The following AFG2A variants were observed in gnomAD, a reference collection of about 807,000 sequenced individuals.
AFG2A encodes ATPase family gene 2 protein homolog A.
At chr4:122,972,985 A>G in the AFG2A span, among the ~76,000 whole-genome samples, 1 of 152,050 alleles carries the variant, frequency 6.6e-6, no homozygotes, top group African/African-American at 2.4e-5. Flanking sequence ...TATTCTTTTT[A>G]AAAATTTTGG....
At chr4:123,270,978 G>T in the AFG2A span, among the ~76,000 whole-genome samples, 1 of 152,182 alleles carries the variant, frequency 6.6e-6, no homozygotes, top group Non-Finnish European at 1.5e-5. Flanking sequence ...CATTCTCTAA[G>T]GGTATTTTTT....
At chr4:123,244,673 T>A in the AFG2A span, among the ~76,000 whole-genome samples, 3 of 152,252 alleles carry the variant, frequency 2.0e-5, no homozygotes, top group African/African-American at 7.2e-5. Flanking sequence ...CTTTGTAGTA[T>A]ATATCAGAAG....
At chr4:123,314,124 A>G in the AFG2A span, 1 of 1,411,022 alleles carries the variant, frequency 7.1e-7, no homozygotes, top group Non-Finnish European at 9.3e-7. Flanking sequence ...TTTCTTTTTA[A>G]AATTTTTTGA....
the AFG2A span, among the ~76,000 whole-genome samples, chr4:122,945,049 G>A: frequency 6.6e-6 from 1 of 152,184 alleles, no homozygotes; most frequent in Non-Finnish European, 1.5e-5. Flanking sequence ...TGCCCCTACT[G>A]GGGGTGCCTC....
At chr4:123,016,468 C>T in the AFG2A span, among the ~76,000 whole-genome samples, 1 of 149,486 alleles carries the variant, frequency 6.7e-6, no homozygotes, top group Non-Finnish European at 1.5e-5. Flanking sequence ...TAGAGGTGCT[C>T]CTCACATCCC....
chr4:123,129,378 C>T, the AFG2A span, among the ~76,000 whole-genome samples: 2 of 152,200 alleles, frequency 1.3e-5, no homozygotes, highest in African/African-American at 4.8e-5. Context: ...TTGCAGCTAT[C>T]ATTTACATCC....
chr4:122,967,572 A>G, the AFG2A span, among the ~76,000 whole-genome samples: 2 of 152,190 alleles, frequency 1.3e-5, no homozygotes, highest in African/African-American at 4.8e-5. Context: ...TATATTTTGT[A>G]TTCTAGTATA....
chr4:123,275,578 A>C, the AFG2A span, among the ~76,000 whole-genome samples: 7 of 152,206 alleles, frequency 4.6e-5, no homozygotes, highest in African/African-American at 1.7e-4. Context: ...TTTCATGTAC[A>C]GATCATTTCA....
chr4:123,119,164 A>G, the AFG2A span, among the ~76,000 whole-genome samples: 1 of 152,108 alleles, frequency 6.6e-6, no homozygotes, highest in East Asian at 1.9e-4. Flanking sequence ...TTTGAATCAC[A>G]TAATTTCAAT....
the AFG2A span, among the ~76,000 whole-genome samples, chr4:122,991,384 AC>A: frequency 6.6e-6 from 1 of 152,102 alleles, no homozygotes; most frequent in African/African-American, 2.4e-5. Context: ...AGGATGAGAG[AC>A]CCTGTGGAAC....
the AFG2A span, among the ~76,000 whole-genome samples, chr4:123,017,100 T>A: frequency 2.1e-5 from 3 of 141,522 alleles, no homozygotes; most frequent in South Asian, 6.9e-4. Flanking sequence ...TCGGCATCAG[T>A]GGGAGACTGT....
At chr4:123,118,715 G>A in the AFG2A span, among the ~76,000 whole-genome samples, 6 of 152,010 alleles carry the variant, frequency 3.9e-5, no homozygotes, top group South Asian at 4.1e-4. Flanking sequence ...AGATATTATC[G>A]TATTTCCTTT....
At chr4:122,942,625 T>G in the AFG2A span, among the ~76,000 whole-genome samples, 1 of 152,214 alleles carries the variant, frequency 6.6e-6, no homozygotes, top group Non-Finnish European at 1.5e-5. Flanking sequence ...TTTTTATGTC[T>G]CTATTTCCTT....
chr4:122,962,341 G>C, the AFG2A span, among the ~76,000 whole-genome samples: 1 of 151,924 alleles, frequency 6.6e-6, no homozygotes, highest in African/African-American at 2.4e-5. Context: ...TATTTCATAA[G>C]GCAATGAATT....
At chr4:123,312,982 A>G in the AFG2A span, among the ~76,000 whole-genome samples, 4 of 152,354 alleles carry the variant, frequency 2.6e-5, no homozygotes, top group South Asian at 8.3e-4. Flanking sequence ...ATTTACCAAT[A>G]TAAGGGCGCA....
the AFG2A span, chr4:122,947,354 A>G: frequency 6.2e-7 from 1 of 1,614,034 alleles, no homozygotes; most frequent in Non-Finnish European, 8.5e-7. Context: ...CCCAATGCTC[A>G]GGACCGGCTA....
At chr4:123,035,402 G>A in the AFG2A span, among the ~76,000 whole-genome samples, 2 of 151,824 alleles carry the variant, frequency 1.3e-5, no homozygotes, top group Non-Finnish European at 2.9e-5. Flanking sequence ...CTTGACTTCA[G>A]CAAATAGTGT....
At chr4:122,968,863 T>A in the AFG2A span, among the ~76,000 whole-genome samples, 1 of 152,208 alleles carries the variant, frequency 6.6e-6, no homozygotes, top group Admixed American at 6.5e-5. Context: ...TTTAGTTCCC[T>A]GATGACTGAG....
the AFG2A span, among the ~76,000 whole-genome samples, chr4:122,961,892 A>C: frequency 6.6e-6 from 1 of 152,228 alleles, no homozygotes; most frequent in African/African-American, 2.4e-5. Flanking sequence ...AATACAAGTT[A>C]AATTGATGTA....
Sources: gnomAD v4.1 joint callset for allele counts (sites outside exome capture counted in the v4.1 genomes callset) on GRCh38, gnomAD v4.1.1 for gene constraint, MANE v1.5 for transcripts, NCBI Gene and HGNC (gene_info 2026-07-23, HGNC 2026-07-21) for gene names.